Variants in RELL1 observed in about 807,000 individuals in gnomAD.
The protein encoded by RELL1 is RELT like 1, also known as RELT-like protein 1.
In RELL1, 10 loss-of-function variants were observed where a neutral mutation model predicts 23.0. That is an observed-to-expected ratio of 0.43 (90% CI 0.27 to 0.74). The LOEUF (loss-of-function observed/expected upper bound fraction) is 0.74. Among genes scored for constraint, RELL1 ranks in the 30% least tolerant of loss-of-function variants. RELL1 has a pLI of 0.19. For missense variants in RELL1, 315 were observed against 364.4 expected, an observed-to-expected ratio of 0.86 and a Z score of 1.10; for synonymous variants, 146 against 146.8, an observed-to-expected ratio of 0.99 and a Z score of 0.04.
intron 1 of RELL1, among the ~76,000 whole-genome samples, chr4:37,661,048 A>C (rs922502519): frequency 6.6e-6 from 1 of 151,614 alleles, no homozygotes; most frequent in Admixed American, 6.6e-5. Context: ...AAAAACAAAA[A>C]ACAAAAAACC....
chr4:37,654,615 G>T (rs3860061), intron 1 of RELL1, among the ~76,000 whole-genome samples: 3,673 of 152,196 alleles, frequency 0.024, 179 homozygotes, highest in East Asian at 0.12. Flanking sequence ...TCTGAATCAC[G>T]AACAAGTTAC....
intron 6 of RELL1, among the ~76,000 whole-genome samples, chr4:37,595,572 G>GACATGGTGTAATAAAGGTAT (rs6148405): frequency 0.56 from 82,506 of 148,272 alleles, 26,244 homozygotes; most frequent in Non-Finnish European, 0.73. Context: ...GCTGGATTGT[G>GACATGGTGTAATAAAGGTAT]ACATGGTGTA....
downstream of RELL1, chr4:37,588,661 C>T (rs1718437141): frequency 9.1e-6 from 5 of 547,766 alleles, no homozygotes; most frequent in South Asian, 4.9e-5. Flanking sequence ...AACTCTGAAG[C>T]GGTGATGGAA....
intron 6 of RELL1, among the ~76,000 whole-genome samples, chr4:37,599,731 T>C (rs1413832045): frequency 6.6e-6 from 1 of 152,096 alleles, no homozygotes; most frequent in African/African-American, 2.4e-5. Flanking sequence ...GACTGTCTAC[T>C]GTCAATGGTA....
At chr4:37,661,949 G>A (rs1230415927) in intron 1 of RELL1, among the ~76,000 whole-genome samples, 3 of 152,166 alleles carry the variant, frequency 2.0e-5, no homozygotes, top group Non-Finnish European at 2.9e-5. Flanking sequence ...CTATGACTGG[G>A]CAGGGAGGGG....
intron 6 of RELL1, among the ~76,000 whole-genome samples, chr4:37,615,621 C>A (rs548384773): frequency 6.6e-6 from 1 of 152,292 alleles, no homozygotes; most frequent in South Asian, 2.1e-4. Flanking sequence ...ACTGAGCAAG[C>A]CTGGCCTATC....
chr4:37,636,822 T>A (rs1241567728), intron 4 of RELL1, among the ~76,000 whole-genome samples: 2 of 152,172 alleles, frequency 1.3e-5, no homozygotes, highest in South Asian at 4.2e-4. Flanking sequence ...GAGGCTGTGA[T>A]GGCAGAAACC....
intron 1 of RELL1, among the ~76,000 whole-genome samples, chr4:37,669,429 C>T (rs1296302509): frequency 3.1e-3 from 446 of 145,230 alleles, no homozygotes; most frequent in African/African-American, 0.01. Flanking sequence ...GCCCCCCACC[C>T]GGCCAGCCAC....
chr4:37,682,025 A>C (rs1722245189), intron 1 of RELL1, among the ~76,000 whole-genome samples: 1 of 152,256 alleles, frequency 6.6e-6, no homozygotes, highest in Non-Finnish European at 1.5e-5. Flanking sequence ...AATGGACTCC[A>C]TGACAAAATC....
chr4:37,621,856 T>C (rs1719779989), intron 6 of RELL1, among the ~76,000 whole-genome samples: 1 of 152,218 alleles, frequency 6.6e-6, no homozygotes, highest in African/African-American at 2.4e-5. Flanking sequence ...TGGTCACCCA[T>C]GTTGTCTAAA....
At chr4:37,643,773 C>A (rs932475230) in intron 3 of RELL1, among the ~76,000 whole-genome samples, 1 of 152,192 alleles carries the variant, frequency 6.6e-6, no homozygotes, top group Non-Finnish European at 1.5e-5. Flanking sequence ...AAGCCGAACT[C>A]AAACATGCTA....
chr4:37,661,001 A>C (rs1275322151), intron 1 of RELL1, among the ~76,000 whole-genome samples: 1 of 151,576 alleles, frequency 6.6e-6, no homozygotes, highest in Admixed American at 6.6e-5. Flanking sequence ...ACTGCACTCC[A>C]GCCTGGGTGA....
downstream of RELL1, among the ~76,000 whole-genome samples, chr4:37,589,285 G>A (rs773392222): frequency 2.6e-5 from 4 of 152,166 alleles, no homozygotes; most frequent in Non-Finnish European, 4.4e-5. Flanking sequence ...AAGAAAAAGG[G>A]TAACTGATGA....
chr4:37,649,324 TACA>T lies in RELL1; in HGVS notation c.262_264del (p.Cys88del), dbSNP rs1244723297. 6.2e-7 allele frequency: 1 copy of T among 1,614,264 alleles called. No homozygotes were observed. The highest frequency in any genetic ancestry group is 1.1e-5 in the South Asian group (1 of 91,090). On this transcript the variant is annotated inframe_deletion, in exon 2 of 7. Transcript: ENST00000454158. Reference sequence around the variant, plus strand: ...TCGATATCTTGCTCTGCTTCTGTTGTACAACGATAGCCTTTCTTCTTAAGCAGG... The same window carrying T: ...TCGATATCTTGCTCTGCTTCTGTTGTACGATAGCCTTTCTTCTTAAGCAGG...
At chr4:37,658,208 T>C (rs1030815154) in intron 1 of RELL1, among the ~76,000 whole-genome samples, 2 of 152,066 alleles carry the variant, frequency 1.3e-5, no homozygotes, top group Admixed American at 6.5e-5. Context: ...AGCTGAGATG[T>C]GCACCCCAAA....
chr4:37,681,151 G>A (rs1484440971), intron 1 of RELL1, among the ~76,000 whole-genome samples: 1 of 152,082 alleles, frequency 6.6e-6, no homozygotes, highest in Non-Finnish European at 1.5e-5. Context: ...CTATGCAACA[G>A]TAGCAAACTC....
chr4:37,644,982 T>G (rs2109277416), intron 3 of RELL1, among the ~76,000 whole-genome samples: 1 of 152,248 alleles, frequency 6.6e-6, no homozygotes, highest in South Asian at 2.1e-4. Context: ...GGCAACTTAG[T>G]TAAGTACGGT....
At chr4:37,589,561 A>T (rs1718491592), downstream of RELL1, among the ~76,000 whole-genome samples, 3 of 152,094 alleles carry the variant, frequency 2.0e-5, no homozygotes. Context: ...TCTATGAACC[A>T]CTTTGTATTT....
intron 3 of RELL1, among the ~76,000 whole-genome samples, chr4:37,644,671 G>T (rs574782238): frequency 1.3e-5 from 2 of 151,850 alleles, no homozygotes; most frequent in South Asian, 2.1e-4. Flanking sequence ...CGTTGGCCAG[G>T]CTGGTCTCGA....
Sources: gnomAD v4.1 joint callset for allele counts (sites outside exome capture counted in the v4.1 genomes callset) on GRCh38, gnomAD v4.1.1 for gene constraint, MANE v1.5 for transcripts, NCBI Gene and HGNC (gene_info 2026-07-23, HGNC 2026-07-21) for gene names.